Variants in LRP1B observed in about 807,000 individuals in gnomAD.
LRP1B encodes LDL receptor related protein 1B.
LRP1B carries 217 observed loss-of-function variants against 556.6 expected under a neutral mutation model. The observed-to-expected ratio is 0.39, with a 90% CI of 0.35 to 0.44. LRP1B has a LOEUF of 0.44. Among genes scored for constraint, LRP1B ranks in the 20% least tolerant of loss-of-function variants. The pLI is 1.00. For synonymous variants in LRP1B, 2,047 were observed against 1,865.8 expected, an observed-to-expected ratio of 1.10 and a Z score of -2.50; for missense variants, 5,053 against 5,620.8, an observed-to-expected ratio of 0.90 and a Z score of 3.23.
chr2:140,452,361 G>T (rs940711000), intron 62 of LRP1B, among the ~76,000 whole-genome samples: 23 of 152,096 alleles, frequency 1.5e-4, no homozygotes, highest in Non-Finnish European at 2.8e-4. Flanking sequence ...ATCTGGAGCA[G>T]CTGCCACTAA....
At chr2:141,325,990 A>G (rs1687413559) in intron 3 of LRP1B, among the ~76,000 whole-genome samples, 1 of 152,182 alleles carries the variant, frequency 6.6e-6, no homozygotes, top group Admixed American at 6.5e-5. Flanking sequence ...AATATAAATA[A>G]TCCTATTGCA....
At chr2:140,289,514 C>G (rs1394276318) in intron 84 of LRP1B, among the ~76,000 whole-genome samples, 1 of 151,770 alleles carries the variant, frequency 6.6e-6, no homozygotes, top group Non-Finnish European at 1.5e-5. Context: ...GAATTAATAT[C>G]TGCTTGGAAA....
intron 1 of LRP1B, among the ~76,000 whole-genome samples, chr2:141,967,206 A>G (rs1198328378): frequency 6.6e-6 from 1 of 151,912 alleles, no homozygotes; most frequent in Admixed American, 6.6e-5. Flanking sequence ...CTCAGAATAG[A>G]CTACACACAA....
chr2:140,383,752 C>T (rs190698462), intron 67 of LRP1B, among the ~76,000 whole-genome samples: 1 of 152,284 alleles, frequency 6.6e-6, no homozygotes, highest in Non-Finnish European at 1.5e-5. Context: ...CATTCTTGTT[C>T]GCTGTCATCT....
At chr2:141,152,466 A>G (rs1701948247) in intron 7 of LRP1B, among the ~76,000 whole-genome samples, 1 of 151,978 alleles carries the variant, frequency 6.6e-6, no homozygotes, top group Non-Finnish European at 1.5e-5. Context: ...CTTCCCTAAC[A>G]AATGACAAAT....
chr2:142,037,380 C>G (rs577237419), intron 1 of LRP1B, among the ~76,000 whole-genome samples: 1 of 151,596 alleles, frequency 6.6e-6, no homozygotes, highest in South Asian at 2.1e-4. Flanking sequence ...TAGAGGGACA[C>G]AGCTGCAGAC....
rs116067390 is a variant in LRP1B at position 141,748,453 on chromosome 2, T to A, written c.205+61826A>T. On this transcript the variant is annotated intron_variant, in intron 2 of 90. Coordinates refer to ENST00000389484, the MANE Select transcript of LRP1B (RefSeq NM_018557.3). ...TCTATTATAGGACACGGATGGAAGA[T>A]AATAAGTGTAGCTTCTTCCTCTGGG... is the stretch of plus-strand genomic sequence containing the variant. Among the ~76,000 whole-genome samples, 171 of 152,298 alleles carry A rather than the reference T, an allele frequency of 1.1e-3. 1 individual carries two copies. The highest frequency in any genetic ancestry group is 4.1e-3 in the African/African-American group (169 of 41,582).
At chr2:140,959,817 A>G (rs1389641588) in intron 18 of LRP1B, among the ~76,000 whole-genome samples, 1 of 151,692 alleles carries the variant, frequency 6.6e-6, no homozygotes, top group Non-Finnish European at 1.5e-5. Flanking sequence ...AACCTTTTAA[A>G]ACTACAGAAA....
chr2:141,755,348 A>G (rs1291772417), intron 2 of LRP1B, among the ~76,000 whole-genome samples: 1 of 152,076 alleles, frequency 6.6e-6, no homozygotes, highest in Non-Finnish European at 1.5e-5. Context: ...ACCCCAATTG[A>G]AAATCATCAA....
chr2:141,822,424 C>T (rs76620660), intron 1 of LRP1B, among the ~76,000 whole-genome samples: 1,783 of 152,188 alleles, frequency 0.012, 40 homozygotes, highest in African/African-American at 0.041. Context: ...ACATCTCCCT[C>T]GTAAATGCAA....
intron 3 of LRP1B, among the ~76,000 whole-genome samples, chr2:141,370,159 G>T (rs560594885): frequency 6.6e-6 from 1 of 151,964 alleles, no homozygotes; most frequent in South Asian, 2.1e-4. Flanking sequence ...GTATCTACTG[G>T]GTAGATACTC....
chr2:140,677,735 G>A (rs1003505358), intron 41 of LRP1B, among the ~76,000 whole-genome samples: 1 of 152,032 alleles, frequency 6.6e-6, no homozygotes. Flanking sequence ...AACTAGCCAG[G>A]CTTGGTGGCA....
chr2:141,238,241 G>A (rs1246833006), intron 5 of LRP1B, among the ~76,000 whole-genome samples: 1 of 152,068 alleles, frequency 6.6e-6, no homozygotes, highest in Non-Finnish European at 1.5e-5. Context: ...TCTAATTGTA[G>A]CCAGTGGAAA....
At chr2:140,358,495 T>C (rs772456696) in intron 73 of LRP1B, among the ~76,000 whole-genome samples, 21 of 151,654 alleles carry the variant, frequency 1.4e-4, no homozygotes, top group Non-Finnish European at 2.2e-4. Context: ...GAAAAAAGAA[T>C]TGCATAGACA....
intron 53 of LRP1B, among the ~76,000 whole-genome samples, chr2:140,506,563 A>T (rs1689422199): frequency 6.6e-6 from 1 of 152,090 alleles, no homozygotes; most frequent in Non-Finnish European, 1.5e-5. Flanking sequence ...TTTTATAAAC[A>T]TTTTCCAATA....
chr2:140,479,226 T>C (rs903722370), intron 59 of LRP1B, among the ~76,000 whole-genome samples: 1 of 152,128 alleles, frequency 6.6e-6, no homozygotes, highest in Non-Finnish European at 1.5e-5. Context: ...TACTTTTTTT[T>C]TCTTCAAATT....
At chr2:140,335,174 T>TTG (rs377277077) in intron 78 of LRP1B, among the ~76,000 whole-genome samples, 3 of 143,490 alleles carry the variant, frequency 2.1e-5, no homozygotes, top group East Asian at 3.9e-4. Context: ...CTCTTTAAAT[T>TTG]TGTGTGTGTG....
intron 3 of LRP1B, among the ~76,000 whole-genome samples, chr2:141,408,496 C>T (rs1184785226): frequency 6.6e-6 from 1 of 151,942 alleles, no homozygotes; most frequent in Non-Finnish European, 1.5e-5. Flanking sequence ...CCAGGAATAG[C>T]TTCTTGAGAA....
At chr2:141,218,874 C>A (rs1682925275) in intron 6 of LRP1B, among the ~76,000 whole-genome samples, 1 of 152,130 alleles carries the variant, frequency 6.6e-6, no homozygotes. Context: ...GAATCCTGCT[C>A]TATCAACTGA....
Sources: gnomAD v4.1 joint callset for allele counts (sites outside exome capture counted in the v4.1 genomes callset) on GRCh38, gnomAD v4.1.1 for gene constraint, MANE v1.5 for transcripts, NCBI Gene and HGNC (gene_info 2026-07-23, HGNC 2026-07-21) for gene names.